The following EARS2 variants were observed in gnomAD, a reference collection of about 807,000 sequenced individuals.
EARS2 encodes the protein nondiscriminating glutamyl-tRNA synthetase EARS2, mitochondrial.
A neutral mutation model predicts 54.1 loss-of-function variants in EARS2; 50 were observed. That is an observed-to-expected ratio of 0.92 (90% CI 0.74 to 1.17). The LOEUF (loss-of-function observed/expected upper bound fraction) is 1.17, where lower values mean the gene tolerates loss of function less well. Ranked by LOEUF, EARS2 falls within the 50% of genes most tolerant of loss-of-function variation. EARS2 has a pLI of 0.00. For missense variants in EARS2, 673 were observed against 675.0 expected (o/e 1.00, Z 0.03); for synonymous variants, 298 against 281.0 (o/e 1.06, Z -0.61).
rs1042872060 is a variant in EARS2, at chr16:23,527,455, G to C, written c.1352+2047C>G. Among the ~76,000 whole-genome samples, 4 of 151,970 alleles carry C rather than the reference G, an allele frequency of 2.6e-5. No homozygotes were observed. In the South Asian group the frequency reaches 6.2e-4, roughly 24 times the overall value. On this transcript the variant is annotated intron_variant, in intron 7 of 8. Transcript: ENST00000449606. ...GTCTCAGGGAACTGGGTTCATAAGT[G>C]ATTTGAAGAAGCAGCCTTTCAGTGC...
chr16:23,543,335 C>A (rs906379260), intron 3 of EARS2, among the ~76,000 whole-genome samples: 1 of 151,390 alleles, frequency 6.6e-6, no homozygotes, highest in Non-Finnish European at 1.5e-5. Context: ...CTGCGTGAGT[C>A]CAGGAGTTGG....
chr16:23,535,289 G>A lies in EARS2; in HGVS notation c.557C>T (p.Ala186Val), dbSNP rs770477636. The change falls in exon 4 of 9, where the codon GCG becomes GTG. Residue 186 changes from alanine to valine, a missense_variant. By Grantham distance (64) the Ala-to-Val change is moderately conservative. Transcript: ENST00000449606. Reference sequence around the variant, plus strand: ...CACCTGCTCCAGGCGGAAGCGGATCGCAGGCTTGGGGTCCTTGGCCAGCTT... The same window carrying A: ...CACCTGCTCCAGGCGGAAGCGGATCACAGGCTTGGGGTCCTTGGCCAGCTT... The part of the protein sequence containing the change: ...AQKLAKDPKP[A>V]IRFRLEQVVP... The A allele has an allele frequency of 7.5e-6, 12 of 1,606,066 alleles. No individual in the cohort carries two copies. The highest frequency in any genetic ancestry group is 5.5e-5 in the South Asian group (5 of 90,998).
Position 23,544,515 on chromosome 16 carries a change from G to C in EARS2, c.484C>G (p.Arg162Gly), listed in dbSNP as rs756279054. ...KEALRNHQTPRYDNRCRNMSQ... is the reference protein window; with the variant it reads ...KEALRNHQTPGYDNRCRNMSQ... ...TCTGCAACAAGCTGAGGTTCTTACC[G>C]GGGCGTCTGGTGGTTCCGCAAGGCC... The change falls in exon 3 of 9, where the codon CGG (arginine) becomes GGG (glycine). Residue 162 changes from arginine (R) to glycine (G), a missense_variant and splice_region_variant. Physicochemically the swap from Arg to Gly is moderately radical, Grantham distance 125. Coordinates refer to ENST00000449606, the MANE Select transcript of EARS2 (RefSeq NM_001083614.2). The C allele has an allele frequency of 1.2e-6, 2 of 1,612,544 alleles. No individual in the cohort carries two copies. The highest frequency in any genetic ancestry group is 1.7e-6 in the Non-Finnish European group (2 of 1,179,048).
At chr16:23,552,017 G>T (rs1965704150) in intron 2 of EARS2, 132 bp downstream of exon 2, 1 of 1,126,850 alleles carries the variant, frequency 8.9e-7, no homozygotes, top group Non-Finnish European at 1.3e-6. Context: ...CCCCGGGCAG[G>T]GCAGTACAAA....
chr16:23,557,366 G>A (rs1487129529), upstream of EARS2: 11 of 1,537,452 alleles, frequency 7.2e-6, no homozygotes, highest in South Asian at 1.2e-5. Context: ...AGCACACGTG[G>A]GCTTCTCCCT....
At chr16:23,550,842 A>G (rs1965683595) in intron 2 of EARS2, 1 of 151,702 alleles carries the variant, frequency 6.6e-6, no homozygotes, top group African/African-American at 2.4e-5. Flanking sequence ...TTTTTTTTCA[A>G]TCTCTAGACT....
At chr16:23,551,545 G>A (rs1046668894) in intron 2 of EARS2, among the ~76,000 whole-genome samples, 7 of 152,212 alleles carry the variant, frequency 4.6e-5, no homozygotes, top group South Asian at 4.1e-4. Flanking sequence ...AGCCCAGGTC[G>A]AGGCTACAGT....
chr16:23,535,269 G>T lies in EARS2; in HGVS notation c.577C>A (p.Gln193Lys), dbSNP rs1284857272. Residue 193 changes from glutamine (Q) to lysine (K), a missense_variant, in exon 4 of 9, where the codon CAG becomes AAG. Transcript: ENST00000449606. ...PKPAIRFRLE[Q>K]VVPAFQDLVY... is the part of the protein sequence containing the mutation. ...AGGTCCTGGAAGGCTGGCACCACCT[G>T]CTCCAGGCGGAAGCGGATCGCAGGC... 2 of 1,608,680 alleles carry T rather than the reference G, an allele frequency of 1.2e-6. No homozygotes were observed. Among genetic ancestry groups the T allele is most frequent in the East Asian group, 2.2e-5 (1 of 44,876 alleles).
chr16:23,539,704 T>C lies in EARS2; in HGVS notation c.486-4344A>G, dbSNP rs1352285527. ...AGGATTCCACAACAGGGCATGACTATAATTTAACAAAAAAAAAAAATCTGT... is the reference window on the plus strand; with the variant it reads ...AGGATTCCACAACAGGGCATGACTACAATTTAACAAAAAAAAAAAATCTGT... On this transcript the variant is annotated intron_variant, in intron 3 of 8. Coordinates refer to ENST00000449606, the MANE Select transcript of EARS2 (RefSeq NM_001083614.2). Among the ~76,000 whole-genome samples, 4 of 57,154 alleles carry C rather than the reference T, an allele frequency of 7.0e-5. No individual in the cohort carries two copies. In the East Asian group the frequency reaches 1.3e-3, roughly 19 times the overall value. The allele number at this position is 57,154 out of a possible 152,430, so 37.5% of individuals were successfully genotyped here.
chr16:23,549,105 C>A (rs184140509), intron 2 of EARS2, among the ~76,000 whole-genome samples: 44 of 152,254 alleles, frequency 2.9e-4, no homozygotes, highest in African/African-American at 9.9e-4. Context: ...AGCTGTAACA[C>A]GCTCCCGCTC....
intron 3 of EARS2, among the ~76,000 whole-genome samples, chr16:23,536,024 A>G (rs1185947557): frequency 6.6e-6 from 1 of 152,144 alleles, no homozygotes; most frequent in Non-Finnish European, 1.5e-5. Flanking sequence ...ATCAAAAGAC[A>G]AATGTCTATG....
Position 23,535,268 on chromosome 16 carries a change from T to G in EARS2, c.578A>C (p.Gln193Pro), listed in dbSNP as rs760597884. Residue 193 changes from glutamine (Q) to proline (P), a missense_variant, in exon 4 of 9, where the codon CAG becomes CCG. Physicochemically the swap from Gln to Pro is moderately conservative, Grantham distance 76. This residue lies in a region of EARS2 where 316 missense variants were observed against 275.2 expected (regional missense o/e 1.15). Transcript: ENST00000449606. ...CAGGTCCTGGAAGGCTGGCACCACC[T>G]GCTCCAGGCGGAAGCGGATCGCAGG... is the stretch of plus-strand genomic sequence containing the variant. ...PKPAIRFRLE[Q>P]VVPAFQDLVY... 3 of 1,609,014 alleles carry G rather than the reference T, an allele frequency of 1.9e-6. No homozygotes were observed. In the South Asian group the frequency reaches 3.3e-5, roughly 18 times the overall value.
Position 23,523,331 on chromosome 16 carries a change from C to T in EARS2, c.*1040G>A, listed in dbSNP as rs1159848265. 1 of 152,080 alleles carries T rather than the reference C, an allele frequency of 6.6e-6. No homozygotes were observed. Among genetic ancestry groups the T allele is most frequent in the Non-Finnish European group, 1.5e-5 (1 of 68,048 alleles). 9.4% of individuals were successfully genotyped at this position (152,080 alleles called of 1,614,324 possible). ...CCAGCAGAGATGATGACTTATAAGT[C>T]ATGGAGGAAGGACGAGGTGGATTTG... On this transcript the variant is annotated 3_prime_UTR_variant, in exon 9 of 9. Transcript: ENST00000449606.
intron 1 of EARS2, chr16:23,553,002 G>A: frequency 2.7e-6 from 1 of 364,120 alleles, no homozygotes; most frequent in Non-Finnish European, 5.5e-6. Context: ...TGGGCATGGT[G>A]GTACATGCCT....
chr16:23,552,247 T>C lies in EARS2; in HGVS notation c.197A>G (p.Lys66Arg). 6.2e-7 allele frequency: 1 copy of C among 1,614,198 alleles called. No homozygotes were observed. The highest frequency in any genetic ancestry group is 1.1e-5 in the South Asian group (1 of 91,084). ...TALYNYIFAK[K>R]YQGSFILRLE... ...CCTCAGGATGAAGCTCCCCTGGTAC[T>C]TCTTAGCAAAGATGTAGTTGTACAA... The change falls in exon 2 of 9, where the codon AAG becomes AGG. Residue 66 changes from lysine (K) to arginine (R), a missense_variant. Lys to Arg is a conservative substitution (Grantham distance 26). Transcript: ENST00000449606.
intron 7 of EARS2, among the ~76,000 whole-genome samples, chr16:23,526,106 T>C (rs1965223564): frequency 1.6e-5 from 2 of 127,696 alleles, no homozygotes; most frequent in Non-Finnish European, 3.1e-5. Context: ...CTCAGAAATA[T>C]TACCTTTTTT....
chr16:23,536,040 T>C (rs1241594756), intron 3 of EARS2, among the ~76,000 whole-genome samples: 1 of 152,222 alleles, frequency 6.6e-6, no homozygotes, highest in East Asian at 1.9e-4. Flanking sequence ...CTATGATTGA[T>C]GCCCTGGCTA....
chr16:23,551,645 C>T (rs996927532), intron 2 of EARS2, among the ~76,000 whole-genome samples: 12 of 151,932 alleles, frequency 7.9e-5, no homozygotes, highest in African/African-American at 2.2e-4. Context: ...CCAAGTTGGG[C>T]GCGGTGGCTC....
At chr16:23,535,590 C>A (rs555325938) in intron 3 of EARS2, 106 of 583,354 alleles carry the variant, frequency 1.8e-4, no homozygotes, top group Middle Eastern at 9.1e-4. Context: ...TCCTTGCTAA[C>A]AAGAAAATAG....
Sources: allele counts gnomAD v4.1 joint callset (sites outside exome capture counted in the v4.1 genomes callset), GRCh38; gene constraint gnomAD v4.1.1; regional missense constraint gnomAD v4.1.1; transcripts MANE v1.5; gene names NCBI Gene and HGNC (gene_info 2026-07-23, HGNC 2026-07-21).